SLC25A27: variants seen among roughly 807,000 people sequenced by gnomAD.
SLC25A27 encodes solute carrier family 25 member 27.
A neutral mutation model predicts 49.1 loss-of-function variants in SLC25A27; 35 were observed. The ratio of observed to expected loss-of-function variants is 0.71; its 90% confidence interval spans 0.54 to 0.95. The LOEUF is 0.95. Among genes scored for constraint, SLC25A27 ranks in the 40% least tolerant of loss-of-function variants. The probability of loss-of-function intolerance (pLI) is 0.00; values close to 1 mark genes in which losing one functional copy is unlikely to be tolerated. For missense variants in SLC25A27, 339 were observed against 397.1 expected (o/e 0.85, Z 1.24); for synonymous variants, 144 against 136.9 (o/e 1.05, Z -0.36).
chr6:46,666,170 TA>T (rs1763319873), intron 5 of SLC25A27, among the ~76,000 whole-genome samples: 1 of 152,238 alleles, frequency 6.6e-6, no homozygotes, highest in Non-Finnish European at 1.5e-5. Flanking sequence ...TCTTCACCAA[TA>T]TATTTTTCCT....
chr6:46,668,912 G>A, intron 6 of SLC25A27, 119 bp downstream of exon 6: 1 of 590,946 alleles, frequency 1.7e-6, no homozygotes, highest in Non-Finnish European at 3.1e-6. Context: ...CTTTAGAGAA[G>A]AGTACATTTA....
At position 46,658,942 on chromosome 6, in the gene SLC25A27, T is replaced by C. The variant is rs762010934; in HGVS notation, c.299-20T>C. On this transcript the variant is annotated intron_variant, in intron 2 of 8. Coordinates refer to ENST00000371347, the MANE Select transcript of SLC25A27 (RefSeq NM_004277.5). The stretch of plus-strand genomic sequence containing the variant: ...ATACATATAGCCAAAGTTACCTTTT[T>C]AATGATCTTTTTTACCCAGTGTATT... 2 of 1,577,998 alleles carry C rather than the reference T, an allele frequency of 1.3e-6. No individual in the cohort carries two copies. The highest frequency in any genetic ancestry group is 2.2e-5 in the East Asian group (1 of 44,702).
chr6:46,665,461 G>A (rs541983660), intron 5 of SLC25A27, among the ~76,000 whole-genome samples: 7 of 152,106 alleles, frequency 4.6e-5, no homozygotes, highest in Admixed American at 2.0e-4. Context: ...CGAGGCGGGC[G>A]GATCACGAGC....
intron 4 of SLC25A27, among the ~76,000 whole-genome samples, chr6:46,663,795 C>T (rs775829532): frequency 2.0e-4 from 30 of 152,136 alleles, no homozygotes; most frequent in Admixed American, 1.0e-3. Flanking sequence ...GATTCAAAGC[C>T]AGTCTTTACC....
chr6:46,671,936 AAC>A (rs907158177), intron 8 of SLC25A27, among the ~76,000 whole-genome samples: 2 of 151,792 alleles, frequency 1.3e-5, no homozygotes, highest in East Asian at 3.9e-4. Flanking sequence ...ATCAAAAATT[AAC>A]ACAATATATT....
chr6:46,653,469 T>C, intron 1 of SLC25A27, 171 bp downstream of exon 1: 1 of 985,402 alleles, frequency 1.0e-6, no homozygotes, highest in Non-Finnish European at 1.2e-6. Context: ...GGAGGAGGGA[T>C]TGAGGTCTCC....
At chr6:46,659,657 C>A (rs961805597) in intron 3 of SLC25A27, among the ~76,000 whole-genome samples, 1 of 152,026 alleles carries the variant, frequency 6.6e-6, no homozygotes, top group Admixed American at 6.6e-5. Context: ...AGTTCGAGAC[C>A]AGCCTGGCCA....
At chr6:46,664,915 A>C in intron 5 of SLC25A27, 29 bp downstream of exon 5, 7 of 1,239,704 alleles carry the variant, frequency 5.6e-6, no homozygotes, top group Non-Finnish European at 8.0e-6. Context: ...AATTCTAAAA[A>C]GTCCTAATTG....
In SLC25A27 at chr6:46,676,887, T is replaced by C; in HGVS notation, c.*433T>C. 7.1e-6 allele frequency: 4 copies of C among 561,458 alleles called. No homozygotes were observed. In the South Asian group the frequency reaches 1.0e-4, roughly 15 times the overall value. The allele number at this position is 561,458 out of a possible 1,614,324, so 34.8% of individuals were successfully genotyped here. The stretch of plus-strand genomic sequence containing the variant: ...GTGCTTAAGAAATACATTTAACCTG[T>C]TATGTCAGTATTTATCAATGAAGTT... On this transcript the variant is annotated 3_prime_UTR_variant, in exon 9 of 9. Transcript: ENST00000371347.
At chr6:46,673,131 T>C (rs1470010512) in intron 8 of SLC25A27, among the ~76,000 whole-genome samples, 1 of 152,154 alleles carries the variant, frequency 6.6e-6, no homozygotes, top group African/African-American at 2.4e-5. Context: ...GAGCTTACAA[T>C]GAGATGTAGA....
At chr6:46,654,534 C>T (rs989545273) in intron 1 of SLC25A27, among the ~76,000 whole-genome samples, 3 of 152,236 alleles carry the variant, frequency 2.0e-5, no homozygotes, top group African/African-American at 7.2e-5. Context: ...TTATACAGGA[C>T]TATTCCTCGT....
intron 8 of SLC25A27, among the ~76,000 whole-genome samples, chr6:46,671,759 G>A (rs376034157): frequency 6.6e-6 from 1 of 151,796 alleles, no homozygotes; most frequent in African/African-American, 2.4e-5. Context: ...AGATAGACTT[G>A]TTTAAGCAAT....
At chr6:46,674,908 T>G (rs1007890850) in intron 8 of SLC25A27, among the ~76,000 whole-genome samples, 6 of 152,210 alleles carry the variant, frequency 3.9e-5, no homozygotes, top group Admixed American at 1.3e-4. Flanking sequence ...GGGACCCTGC[T>G]TCTGGTTTTT....
chr6:46,656,684 G>T (rs1229606746), intron 2 of SLC25A27, among the ~76,000 whole-genome samples: 2 of 152,154 alleles, frequency 1.3e-5, no homozygotes, highest in African/African-American at 4.8e-5. Flanking sequence ...CTCCCAAAGT[G>T]CTAGGATTAC....
At chr6:46,670,059 C>T (rs1333986028) in intron 6 of SLC25A27, 76 bp from the exon 7 acceptor site, 2 of 828,022 alleles carry the variant, frequency 2.4e-6, no homozygotes. Context: ...TATATTCTTT[C>T]TGAATACCAC....
At chr6:46,665,551 T>TGGCAGGTCCTGTAGTGCCTGTA (rs1247689726) in intron 5 of SLC25A27, among the ~76,000 whole-genome samples, 4 of 152,036 alleles carry the variant, frequency 2.6e-5, no homozygotes, top group Non-Finnish European at 5.9e-5. Context: ...CCAGGTGTGG[T>TGGCAGGTCCTGTAGTGCCTGTA]GGCAGGTGCC....
chr6:46,676,505 A>G lies in SLC25A27; in HGVS notation c.*51A>G. On this transcript the variant is annotated 3_prime_UTR_variant, in exon 9 of 9. Coordinates refer to ENST00000371347, the MANE Select transcript of SLC25A27 (RefSeq NM_004277.5). Reference sequence around the variant, plus strand: ...ATACAGTGTTCAGTATTATTGAAATATGGGCATCTGCAACACATACCCCCT... The same window carrying G: ...ATACAGTGTTCAGTATTATTGAAATGTGGGCATCTGCAACACATACCCCCT... 4 of 1,611,992 alleles carry G rather than the reference A, an allele frequency of 2.5e-6. No individual in the cohort carries two copies. Among genetic ancestry groups the G allele is most frequent in the Non-Finnish European group, 3.4e-6 (4 of 1,178,552 alleles).
At position 46,671,214 on chromosome 6, in the gene SLC25A27, T is replaced by C. The variant is rs1239495723; in HGVS notation, c.886T>C (p.Ser296Pro). Residue 296 changes from serine (S) to proline (P), a missense_variant, in exon 8 of 9, where the codon TCT (serine) becomes CCT (proline). Physicochemically the swap from Ser to Pro is moderately conservative, Grantham distance 74. Transcript: ENST00000371347. Reference protein sequence around the residue: ...FMSLYKGFLPSWLRMTPWSMV... With the variant: ...FMSLYKGFLPPWLRMTPWSMV... ...GAGTCTATATAAAGGCTTTTTACCA[T>C]CTTGGCTGAGAATGGTAAAGTTAGG... 12 of 1,564,404 alleles carry C rather than the reference T, an allele frequency of 7.7e-6. No homozygotes were observed. Among genetic ancestry groups the C allele is most frequent in the Non-Finnish European group, 8.6e-7 (1 of 1,157,546 alleles).
In SLC25A27 at chr6:46,677,731, A is replaced by G. The variant is rs987069169; in HGVS notation, c.*1277A>G. ...AGGCTGTAACTGTTAACACAGAAAA[A>G]CATGAAAAGCTCAGGCCCAAGAAAG... On this transcript the variant is annotated 3_prime_UTR_variant, in exon 9 of 9. Coordinates refer to ENST00000371347, the MANE Select transcript of SLC25A27 (RefSeq NM_004277.5). The G allele has an allele frequency of 3.3e-5, 5 of 152,536 alleles. No individual in the cohort carries two copies. The East Asian group carries it at 9.7e-4, about 29-fold the overall frequency. 9.4% of individuals were successfully genotyped at this position (152,536 alleles called of 1,614,324 possible).
Sources: allele counts gnomAD v4.1 joint callset (sites outside exome capture counted in the v4.1 genomes callset), GRCh38; gene constraint gnomAD v4.1.1; transcripts MANE v1.5; gene names NCBI Gene and HGNC (gene_info 2026-07-23, HGNC 2026-07-21).